Variants in NPFFR1 observed in about 807,000 individuals in gnomAD.
NPFFR1 encodes the protein G-protein coupled receptor 147.
A neutral mutation model predicts 12.7 loss-of-function variants in NPFFR1; 17 were observed. The ratio of observed to expected loss-of-function variants is 1.34; its 90% CI spans 0.92 to 2.01. The LOEUF is 2.01. Ranked by LOEUF, NPFFR1 falls within the 30% of genes most tolerant of loss-of-function variation. NPFFR1 has a pLI of 0.00. For missense variants in NPFFR1, 604 were observed against 606.5 expected (o/e 1.00, Z 0.04); for synonymous variants, 296 against 264.5 (o/e 1.12, Z -1.16).
chr10:70,263,569 G>A (rs766618466), intron 2 of NPFFR1, among the ~76,000 whole-genome samples: 7 of 151,930 alleles, frequency 4.6e-5, no homozygotes, highest in Non-Finnish European at 8.8e-5. Context: ...CACCGCGCCC[G>A]GCCATTCACA....
intron 1 of NPFFR1, among the ~76,000 whole-genome samples, chr10:70,280,388 C>T (rs535778024): frequency 6.6e-6 from 1 of 152,354 alleles, no homozygotes; most frequent in South Asian, 2.1e-4. Context: ...TCCAACAACA[C>T]TTACTTATCT....
intron 1 of NPFFR1, among the ~76,000 whole-genome samples, chr10:70,283,222 ACT>A (rs758178711): frequency 2.3e-4 from 25 of 109,036 alleles, no homozygotes; most frequent in South Asian, 1.2e-3. Flanking sequence ...TCTCTCTCTC[ACT>A]CTCTCTCTCT....
chr10:70,258,564 G>A (rs1036383556), intron 3 of NPFFR1, among the ~76,000 whole-genome samples: 9 of 152,208 alleles, frequency 5.9e-5, no homozygotes, highest in African/African-American at 2.2e-4. Flanking sequence ...GAAGCCCATA[G>A]TATGACCTAC....
intron 1 of NPFFR1, among the ~76,000 whole-genome samples, chr10:70,271,833 C>T (rs1248910114): frequency 6.6e-6 from 1 of 151,934 alleles, no homozygotes; most frequent in Non-Finnish European, 1.5e-5. Flanking sequence ...AAAAAAATCC[C>T]TGGCAGGGCG....
chr10:70,277,382 G>A (rs1840814942), intron 1 of NPFFR1, among the ~76,000 whole-genome samples: 1 of 152,234 alleles, frequency 6.6e-6, no homozygotes. Context: ...TGGGGGTCTT[G>A]TTGTCTCCCT....
intron 1 of NPFFR1, among the ~76,000 whole-genome samples, chr10:70,272,786 G>A (rs560556450): frequency 2.0e-4 from 31 of 152,268 alleles, no homozygotes; most frequent in African/African-American, 7.2e-4. Context: ...TGAGGGACCC[G>A]CCCCCAGATC....
intron 1 of NPFFR1, among the ~76,000 whole-genome samples, chr10:70,283,215 C>G (rs1840880084): frequency 6.6e-6 from 1 of 151,002 alleles, no homozygotes; most frequent in Non-Finnish European, 1.5e-5. Context: ...CTTTCTCTCT[C>G]TCTCTCACTC....
At position 70,254,840 on chromosome 10, in the gene NPFFR1, G is replaced by T; in HGVS notation, c.*117C>A. The T allele has an allele frequency of 8.4e-7, 1 of 1,186,010 alleles. No individual in the cohort carries two copies. Among genetic ancestry groups the T allele is most frequent in the Non-Finnish European group, 1.1e-6 (1 of 922,020 alleles). 73.5% of individuals were successfully genotyped at this position (1,186,010 alleles called of 1,614,324 possible). ...ACCAGCAGCTGCCCACCACTGCCTG[G>T]CTCTGGAGAGGGAGGGACCACGCAT... is the stretch of plus-strand genomic sequence containing the variant. On this transcript the variant is annotated 3_prime_UTR_variant, in exon 4 of 4. Coordinates refer to ENST00000277942, the MANE Select transcript of NPFFR1 (RefSeq NM_022146.5).
chr10:70,261,013 C>T (rs1840628003), intron 2 of NPFFR1, among the ~76,000 whole-genome samples: 1 of 152,156 alleles, frequency 6.6e-6, no homozygotes. Flanking sequence ...TCAAGTCCTG[C>T]AGTCAGCCTT....
In NPFFR1 at chr10:70,255,374, GAGC is replaced by G; in HGVS notation, c.873_875del (p.Leu292del). 1.3e-6 allele frequency: 2 copies of G among 1,553,212 alleles called. No homozygotes were observed. On this transcript the variant is annotated inframe_deletion, in exon 4 of 4. Transcript: ENST00000277942. This position sits in a 1 kb window ranked among gnomAD's most constrained non-coding sequence, Gnocchi z 4.2. ...GCGCGCTGAGCTGCCCGTAGTCGAT[GAGC>G]AGCAGCAGCGCCCAGAGCGGCAGCC...
chr10:70,268,972 G>A (rs1037396249), intron 1 of NPFFR1, among the ~76,000 whole-genome samples: 2 of 152,192 alleles, frequency 1.3e-5, no homozygotes, highest in Admixed American at 1.3e-4. Context: ...TAGACGTGAT[G>A]CTGAAGTCTC....
At position 70,255,300 on chromosome 10, in the gene NPFFR1, A is replaced by C; in HGVS notation, c.950T>G (p.Leu317Arg). 6.3e-7 allele frequency: 1 copy of C among 1,583,286 alleles called. No individual in the cohort carries two copies. Among genetic ancestry groups the C allele is most frequent in the Non-Finnish European group, 8.6e-7 (1 of 1,168,870 alleles). Residue 317 changes from leucine (L) to arginine (R), a missense_variant, in exon 4 of 4, where the codon CTG becomes CGG. Physicochemically the swap from Leu to Arg is moderately radical, Grantham distance 102 (BLOSUM62 -2). Coordinates refer to ENST00000277942, the MANE Select transcript of NPFFR1 (RefSeq NM_022146.5). This position sits in a 1 kb window ranked among gnomAD's most constrained non-coding sequence, Gnocchi z 4.2. ...GTTGGCGCTGCTGTTGAAGAAGGCC[A>C]GCCAGTGCGCGAAGGGGAAGGCGTA... Reference protein sequence around the residue: ...TVYAFPFAHWLAFFNSSANPI... With the variant: ...TVYAFPFAHWRAFFNSSANPI...
chr10:70,258,317 AG>A (rs1184996073), intron 3 of NPFFR1, among the ~76,000 whole-genome samples: 2 of 148,342 alleles, frequency 1.3e-5, no homozygotes, highest in Non-Finnish European at 3.0e-5. Context: ...AAAAAAAAAA[AG>A]CTCCTGGAGA....
chr10:70,251,620 CT>C lies in NPFFR1; in HGVS notation c.*3336del, dbSNP rs5785967. 0.4 allele frequency: 61,373 copies of C among 152,076 alleles called. 14,241 individuals carry two copies. The highest frequency in any genetic ancestry group is 0.79 in the East Asian group (4,087 of 5,152). The allele number at this position is 152,076 out of a possible 1,614,324, so 9.4% of individuals were successfully genotyped here. On this transcript the variant is annotated 3_prime_UTR_variant, in exon 4 of 4. Coordinates refer to ENST00000277942, the MANE Select transcript of NPFFR1 (RefSeq NM_022146.5). ...GCTCAGTGTCAACAGGCCTCTGGCC[CT>C]TTTCCCCCATCACGCATGCCGTTCA...
intron 1 of NPFFR1, among the ~76,000 whole-genome samples, chr10:70,271,121 A>G (rs936681978): frequency 1.3e-5 from 2 of 152,138 alleles, no homozygotes; most frequent in African/African-American, 4.8e-5. Context: ...AAAAGCCTTG[A>G]ACTAAAGACA....
chr10:70,255,626 G>T lies in NPFFR1; in HGVS notation c.624C>A (p.Pro208=). Residue 208 remains proline, a synonymous_variant, in exon 4 of 4, where the codon CCC becomes CCA. Coordinates refer to ENST00000277942, the MANE Select transcript of NPFFR1 (RefSeq NM_022146.5). The surrounding 1 kb of genome is among the most constrained non-coding windows in gnomAD (Gnocchi z 4.2). ...TGTAGACCCTGCGCATGCCCTTCTC[G>T]GGCCAGGCCTCCCAGCAGGAGTAGA... ...YPLYSCWEAW[P]EKGMRRVYTT... 1 of 1,578,504 alleles carries T rather than the reference G, an allele frequency of 6.3e-7. No individual in the cohort carries two copies. Among genetic ancestry groups the T allele is most frequent in the Non-Finnish European group, 8.6e-7 (1 of 1,162,468 alleles).
intron 1 of NPFFR1, among the ~76,000 whole-genome samples, chr10:70,266,716 T>C (rs762483118): frequency 6.6e-6 from 1 of 152,248 alleles, no homozygotes; most frequent in Non-Finnish European, 1.5e-5. Flanking sequence ...AAGTTCTGCA[T>C]TGCCCTGGTT....
intron 2 of NPFFR1, among the ~76,000 whole-genome samples, chr10:70,262,509 C>T (rs1221911776): frequency 3.9e-5 from 6 of 152,118 alleles, no homozygotes; most frequent in African/African-American, 1.4e-4. Flanking sequence ...GGGAAAATAT[C>T]AGGCAAACCC....
rs534939069 is a variant in NPFFR1 at position 70,263,488 on chromosome 10, T to C, written c.322+2589A>G. ...TGGGGTTTCACCATTTTAGCCAGGATGGTCTCGATCTCCTGACCTTGTCAT... is the reference window on the plus strand; with the variant it reads ...TGGGGTTTCACCATTTTAGCCAGGACGGTCTCGATCTCCTGACCTTGTCAT... On this transcript the variant is annotated intron_variant, in intron 2 of 3. Coordinates refer to ENST00000277942, the MANE Select transcript of NPFFR1 (RefSeq NM_022146.5). Among the ~76,000 whole-genome samples, 3 of 152,176 alleles carry C rather than the reference T, an allele frequency of 2.0e-5. No individual in the cohort carries two copies. In the South Asian group the frequency reaches 6.2e-4, roughly 32 times the overall value.
Sources: gnomAD v4.1 joint callset for allele counts (sites outside exome capture counted in the v4.1 genomes callset) on GRCh38, gnomAD v4.1.1 for gene constraint, Gnocchi (gnomAD v3.1) non-coding constraint, MANE v1.5 for transcripts, NCBI Gene and HGNC (gene_info 2026-07-23, HGNC 2026-07-21) for gene names.